Variants in FAM178B observed in about 807,000 individuals in gnomAD.
The protein encoded by FAM178B is family with sequence similarity 178 member B.
A neutral mutation model predicts 91.7 loss-of-function variants in FAM178B; 82 were observed. The ratio of observed to expected loss-of-function variants is 0.89; its 90% confidence interval spans 0.75 to 1.07. FAM178B has a LOEUF of 1.07. Ranked by LOEUF, FAM178B falls within the 50% of genes least tolerant of loss-of-function variation. The pLI, the probability that FAM178B is intolerant of heterozygous loss-of-function variation, is 0.00. For synonymous variants in FAM178B, 368 were observed against 359.4 expected, an observed-to-expected ratio of 1.02 and a Z score of -0.27; for missense variants, 769 against 846.7, an observed-to-expected ratio of 0.91 and a Z score of 1.14.
intron 1 of FAM178B, among the ~76,000 whole-genome samples, chr2:96,975,115 AAAAG>A: frequency 6.6e-6 from 1 of 150,998 alleles, no homozygotes; most frequent in African/African-American, 2.4e-5. Flanking sequence ...AAAAAAAAAA[AAAAG>A]AACCAATCAT....
intron 8 of FAM178B, among the ~76,000 whole-genome samples, chr2:96,944,241 CAAAAA>C (rs397868752): frequency 1.8e-5 from 1 of 56,954 alleles, no homozygotes. Context: ...GACTCCATCT[CAAAAA>C]AAAAAAAAAA....
chr2:96,877,758 C>G (rs953657445), intron 16 of FAM178B, 132 bp downstream of exon 16: 11 of 887,180 alleles, frequency 1.2e-5, no homozygotes, highest in Non-Finnish European at 1.7e-5. Flanking sequence ...CCTTCCCCCA[C>G]ATGCCCACTC....
chr2:96,904,539 CTATT>C (rs1230394043), intron 12 of FAM178B, among the ~76,000 whole-genome samples: 1 of 133,098 alleles, frequency 7.5e-6, no homozygotes, highest in Non-Finnish European at 1.5e-5. Flanking sequence ...CCATGCCTGG[CTATT>C]TTTTTTTTTT....
rs563691626 is a variant in FAM178B at position 96,923,588 on chromosome 2, G to T, written c.1194-5C>A. ...CCAGCCTCGCCTGGAAGCACCCTGTGGTAAGACAACAACAGTGACGATGGG... is the reference window on the plus strand; with the variant it reads ...CCAGCCTCGCCTGGAAGCACCCTGTTGTAAGACAACAACAGTGACGATGGG... On this transcript the variant is annotated splice_region_variant and splice_polypyrimidine_tract_variant and intron_variant, in intron 9 of 16. Transcript: ENST00000490605. The T allele has an allele frequency of 2.6e-6, 4 of 1,550,946 alleles. No homozygotes were observed. In the South Asian group the frequency reaches 4.8e-5, roughly 18 times the overall value.
intron 6 of FAM178B, among the ~76,000 whole-genome samples, chr2:96,952,168 G>A (rs2081938443): frequency 6.6e-6 from 1 of 152,186 alleles, no homozygotes; most frequent in Admixed American, 6.5e-5. Context: ...AGCTGCAAGG[G>A]GCGGGCACGA....
At chr2:96,938,131 G>A (rs1348055489) in intron 8 of FAM178B, among the ~76,000 whole-genome samples, 2 of 152,096 alleles carry the variant, frequency 1.3e-5, no homozygotes, top group East Asian at 1.9e-4. Context: ...CTAAAGTGGT[G>A]GGCAAAACCC....
At chr2:96,898,129 C>G (rs748476183) in intron 13 of FAM178B, 2 of 985,332 alleles carry the variant, frequency 2.0e-6, no homozygotes, top group Non-Finnish European at 2.4e-6. Context: ...TTCTAAACCC[C>G]TGTGCCCCCT....
chr2:96,962,163 G>A (rs1025110525), intron 5 of FAM178B, among the ~76,000 whole-genome samples: 2 of 152,076 alleles, frequency 1.3e-5, no homozygotes, highest in Non-Finnish European at 2.9e-5. Context: ...TTAGCTGGGC[G>A]TGGTAGCCGG....
chr2:96,954,531 C>T (rs1245008156), intron 6 of FAM178B, among the ~76,000 whole-genome samples: 2 of 151,940 alleles, frequency 1.3e-5, no homozygotes, highest in Non-Finnish European at 2.9e-5. Context: ...TCAACCTCCT[C>T]ATTTATTTTA....
At chr2:96,898,336 T>C (rs2080861699) in intron 13 of FAM178B, among the ~76,000 whole-genome samples, 1 of 152,122 alleles carries the variant, frequency 6.6e-6, no homozygotes, top group South Asian at 2.1e-4. Flanking sequence ...GGCGGTGCCC[T>C]GCAGTGGTCA....
At chr2:96,878,928 C>T (rs1402259436) in intron 14 of FAM178B, among the ~76,000 whole-genome samples, 1 of 152,150 alleles carries the variant, frequency 6.6e-6, no homozygotes, top group Admixed American at 6.5e-5. Flanking sequence ...CTTGCTGACC[C>T]GAGGAGGCAG....
chr2:96,986,326 G>T lies in FAM178B; in HGVS notation c.-13C>A. 2.0e-6 allele frequency: 3 copies of T among 1,533,704 alleles called. No individual in the cohort carries two copies. The highest frequency in any genetic ancestry group is 2.6e-6 in the Non-Finnish European group (3 of 1,146,596). ...GCCTTGGCCACATAGGGCGGGAAGG[G>T]CAGGGCTCCGGGGTGAGGGAGGGTG... is the stretch of plus-strand genomic sequence containing the variant. On this transcript the variant is annotated 5_prime_UTR_variant, in exon 1 of 17. Coordinates refer to ENST00000490605, the MANE Select transcript of FAM178B (RefSeq NM_001122646.3).
chr2:96,942,846 C>T (rs1019879844), intron 8 of FAM178B, among the ~76,000 whole-genome samples: 2 of 152,158 alleles, frequency 1.3e-5, no homozygotes, highest in African/African-American at 4.8e-5. Flanking sequence ...TAAACCCTTA[C>T]ATTTATGGTC....
intron 9 of FAM178B, among the ~76,000 whole-genome samples, chr2:96,925,714 G>C (rs566935814): frequency 6.6e-6 from 1 of 152,146 alleles, no homozygotes; most frequent in African/African-American, 2.4e-5. Context: ...CTGGGTTTCT[G>C]TCTCGGAGAC....
intron 5 of FAM178B, among the ~76,000 whole-genome samples, chr2:96,961,312 G>GGGGT (rs72073606): frequency 0.028 from 4,080 of 146,840 alleles, 195 homozygotes; most frequent in African/African-American, 0.096. Flanking sequence ...AGCAGCAGAG[G>GGGGT]GTGTGTGTGT....
chr2:96,978,331 T>C (rs1235207475), intron 1 of FAM178B, among the ~76,000 whole-genome samples: 1 of 152,220 alleles, frequency 6.6e-6, no homozygotes, highest in African/African-American at 2.4e-5. Context: ...TACATGTGCA[T>C]GTTTGTTACA....
Position 96,967,577 on chromosome 2 carries a change from A to G in FAM178B, c.677T>C (p.Leu226Pro), listed in dbSNP as rs778309463. 6.4e-7 allele frequency: 1 copy of G among 1,550,666 alleles called. No homozygotes were observed. Among genetic ancestry groups the G allele is most frequent in the South Asian group, 1.2e-5 (1 of 84,060 alleles). The part of the protein sequence containing the change: ...ERERLLLQEC[L>P]NLNSLDLDEE... Reference sequence around the variant, plus strand: ...ATCAAGATCCAAGGAGTTGAGATTGAGACACTCCTGCAGAAGCAGCCTCTC... The same window carrying G: ...ATCAAGATCCAAGGAGTTGAGATTGGGACACTCCTGCAGAAGCAGCCTCTC... The change falls in exon 5 of 17, where the codon CTC (leucine) becomes CCC (proline). Residue 226 changes from leucine to proline, a missense_variant. Coordinates refer to ENST00000490605, the MANE Select transcript of FAM178B (RefSeq NM_001122646.3).
In FAM178B at chr2:96,876,157, T is replaced by G. The variant is rs1182270652; in HGVS notation, c.*119A>C. ...GCGGTGGCAGGGGCAGGCTCTTGCC[T>G]CATCAGGCTGGTCAGCATGTGGCCT... On this transcript the variant is annotated 3_prime_UTR_variant, in exon 17 of 17. Coordinates refer to ENST00000490605, the MANE Select transcript of FAM178B (RefSeq NM_001122646.3). The G allele has an allele frequency of 1.4e-5, 15 of 1,054,420 alleles. No individual in the cohort carries two copies. Among genetic ancestry groups the G allele is most frequent in the Non-Finnish European group, 2.1e-5 (15 of 715,428 alleles). 65.3% of individuals were successfully genotyped at this position (1,054,420 alleles called of 1,614,324 possible).
rs556807734 is a variant in FAM178B, at chr2:96,879,413, G to A, written c.1777-920C>T. On this transcript the variant is annotated intron_variant, in intron 14 of 16. Coordinates refer to ENST00000490605, the MANE Select transcript of FAM178B (RefSeq NM_001122646.3). ...CGGCCCCTGTGCCCCAGCTTCCCCT[G>A]CCCTCATCACCCGGCCCTCCCAGGG... Among the ~76,000 whole-genome samples, 10 of 152,256 alleles carry A rather than the reference G, an allele frequency of 6.6e-5. No homozygotes were observed. In the South Asian group the frequency reaches 2.1e-3, roughly 32 times the overall value.
Sources: gnomAD v4.1 joint callset for allele counts (sites outside exome capture counted in the v4.1 genomes callset) on GRCh38, gnomAD v4.1.1 for gene constraint, MANE v1.5 for transcripts, NCBI Gene and HGNC (gene_info 2026-07-23, HGNC 2026-07-21) for gene names.